The following CPQ variants were observed in gnomAD, a reference collection of about 807,000 sequenced individuals.
CPQ encodes the protein Ser-Met dipeptidase.
Under a neutral mutation model 45.7 loss-of-function variants are expected in CPQ, and 37 were observed. That is an observed-to-expected ratio of 0.81 (90% confidence interval 0.62 to 1.07). The LOEUF (loss-of-function observed/expected upper bound fraction) is 1.07. Ranked by LOEUF, CPQ falls within the 50% of genes least tolerant of loss-of-function variation. CPQ has a pLI of 0.00. For synonymous variants in CPQ, 186 were observed against 205.8 expected, an observed-to-expected ratio of 0.90 and a Z score of 0.82; for missense variants, 537 against 572.9, an observed-to-expected ratio of 0.94 and a Z score of 0.64.
At chr8:96,742,188 G>T (rs1169270024) in intron 1 of CPQ, among the ~76,000 whole-genome samples, 2 of 151,840 alleles carry the variant, frequency 1.3e-5, no homozygotes, top group Non-Finnish European at 1.5e-5. Flanking sequence ...ATTTAGGATA[G>T]TTAGCTCTTC....
intron 4 of CPQ, among the ~76,000 whole-genome samples, chr8:96,880,536 T>G (rs1486326632): frequency 2.3e-4 from 3 of 12,814 alleles, no homozygotes; most frequent in African/African-American, 1.0e-3. Flanking sequence ...TATATATATA[T>G]ATATATATAT....
At chr8:97,116,930 C>T (rs1366666070) in intron 7 of CPQ, among the ~76,000 whole-genome samples, 1 of 152,184 alleles carries the variant, frequency 6.6e-6, no homozygotes, top group Non-Finnish European at 1.5e-5. Context: ...CTGTTGGGTC[C>T]AGGAATTGAT....
chr8:96,887,056 A>C (rs1223182256), intron 4 of CPQ, among the ~76,000 whole-genome samples: 1 of 152,012 alleles, frequency 6.6e-6, no homozygotes, highest in Non-Finnish European at 1.5e-5. Context: ...GGATCTGATG[A>C]ATGCATCACT....
chr8:97,068,223 T>A (rs1423518985), intron 7 of CPQ, among the ~76,000 whole-genome samples: 1 of 152,218 alleles, frequency 6.6e-6, no homozygotes, highest in Non-Finnish European at 1.5e-5. Context: ...ATTTGATTCT[T>A]TTCACCTAAA....
At chr8:96,930,354 T>A (rs560402245) in intron 4 of CPQ, among the ~76,000 whole-genome samples, 27 of 152,264 alleles carry the variant, frequency 1.8e-4, no homozygotes, top group Admixed American at 1.8e-3. Context: ...ATCCAAAGAG[T>A]TGGTTGAGAT....
chr8:96,883,241 T>C (rs548428744), intron 4 of CPQ, among the ~76,000 whole-genome samples: 1 of 152,324 alleles, frequency 6.6e-6, no homozygotes, highest in South Asian at 2.1e-4. Context: ...TGAACATTCT[T>C]GTACTAGTCT....
chr8:97,041,286 G>T (rs1016589074), intron 6 of CPQ, among the ~76,000 whole-genome samples: 1 of 152,006 alleles, frequency 6.6e-6, no homozygotes, highest in Non-Finnish European at 1.5e-5. Context: ...CTCTCTGTTT[G>T]TCTGTTATTG....
At chr8:97,022,774 G>T (rs1410434333) in intron 5 of CPQ, among the ~76,000 whole-genome samples, 1 of 151,832 alleles carries the variant, frequency 6.6e-6, no homozygotes, top group African/African-American at 2.4e-5. Context: ...CTTCTGCACT[G>T]CTGGTGGGAA....
chr8:96,729,203 A>G (rs1381291717), intron 1 of CPQ, among the ~76,000 whole-genome samples: 1 of 152,150 alleles, frequency 6.6e-6, no homozygotes, highest in Admixed American at 6.5e-5. Context: ...CCATGGTGGA[A>G]CTCTGTGACT....
chr8:97,060,402 C>G (rs1810529424), intron 6 of CPQ, among the ~76,000 whole-genome samples: 1 of 152,208 alleles, frequency 6.6e-6, no homozygotes, highest in African/African-American at 2.4e-5. Context: ...ATCCTCAACC[C>G]TGAGCAGATA....
intron 1 of CPQ, among the ~76,000 whole-genome samples, chr8:96,673,134 A>G (rs111970801): frequency 7.9e-4 from 121 of 152,306 alleles, no homozygotes; most frequent in African/African-American, 2.1e-3. Flanking sequence ...GGAGTCATCC[A>G]GGTTCTTGGC....
chr8:96,705,028 A>T (rs1809514673), intron 1 of CPQ, among the ~76,000 whole-genome samples: 1 of 152,164 alleles, frequency 6.6e-6, no homozygotes, highest in South Asian at 2.1e-4. Context: ...AGTAACAAAA[A>T]CAGAGGGCTT....
chr8:96,792,240 T>A (rs1810855685), intron 2 of CPQ, among the ~76,000 whole-genome samples: 1 of 152,096 alleles, frequency 6.6e-6, no homozygotes, highest in African/African-American at 2.4e-5. Flanking sequence ...GAAAGCACAA[T>A]CTCCAATCAG....
chr8:96,924,071 C>G, intron 4 of CPQ, among the ~76,000 whole-genome samples: 1 of 152,166 alleles, frequency 6.6e-6, no homozygotes, highest in East Asian at 1.9e-4. Context: ...TGGAGAGAGC[C>G]TTCAGGCAGA....
intron 1 of CPQ, among the ~76,000 whole-genome samples, chr8:96,732,566 TTTC>T (rs201590316): frequency 0.11 from 12,920 of 119,366 alleles, 609 homozygotes; most frequent in East Asian, 0.2. Flanking sequence ...ACTTTCTATT[TTTC>T]TTTTTTTTTC....
chr8:96,874,935 A>G (rs549577865), intron 3 of CPQ, among the ~76,000 whole-genome samples: 3 of 151,988 alleles, frequency 2.0e-5, no homozygotes, highest in East Asian at 1.9e-4. Flanking sequence ...CAGAGTAACT[A>G]TGCCATTTCA....
intron 2 of CPQ, among the ~76,000 whole-genome samples, chr8:96,794,722 A>G (rs186108501): frequency 3.2e-4 from 49 of 152,276 alleles, no homozygotes; most frequent in African/African-American, 1.1e-3. Context: ...CCCAAGTCAC[A>G]TCTTGAATGC....
chr8:96,812,855 A>G (rs1433940681), intron 2 of CPQ, among the ~76,000 whole-genome samples: 1 of 151,824 alleles, frequency 6.6e-6, no homozygotes, highest in Non-Finnish European at 1.5e-5. Context: ...TTCTGACCAC[A>G]TGTTGTTTCT....
intron 5 of CPQ, among the ~76,000 whole-genome samples, chr8:97,014,862 G>A (rs1260223874): frequency 6.6e-6 from 1 of 151,880 alleles, no homozygotes; most frequent in Admixed American, 6.6e-5. Context: ...ATCATAAAAA[G>A]GAGCATGATA....
Sources: gnomAD v4.1 joint callset for allele counts (sites outside exome capture counted in the v4.1 genomes callset) on GRCh38, gnomAD v4.1.1 for gene constraint, MANE v1.5 for transcripts, NCBI Gene and HGNC (gene_info 2026-07-23, HGNC 2026-07-21) for gene names.